FDFT1: variants seen among roughly 807,000 people sequenced by gnomAD.
FDFT1 encodes squalene synthase.
A neutral mutation model predicts 46.8 loss-of-function variants in FDFT1; 68 were observed. That is an observed-to-expected ratio of 1.45 (90% CI 1.19 to 1.78). FDFT1 has a LOEUF of 1.78. Ranked by LOEUF, FDFT1 falls within the 40% of genes most tolerant of loss-of-function variation. The probability of loss-of-function intolerance (pLI) is 0.00; values close to 1 mark genes in which losing one functional copy is unlikely to be tolerated. For missense variants in FDFT1, 928 were observed against 524.4 expected (o/e 1.77, Z -7.52); for synonymous variants, 351 against 185.1 (o/e 1.90, Z -7.28).
At chr8:11,803,215 G>A (rs1585848462) in intron 1 of FDFT1, 12 of 1,401,274 alleles carry the variant, frequency 8.6e-6, no homozygotes, top group East Asian at 3.2e-5. Context: ...CGTGAGCATC[G>A]GCGCTTACCG....
At position 11,810,933 on chromosome 8, in the gene FDFT1, T is replaced by TAAA. The variant is rs71539744; in HGVS notation, c.381+1106_381+1108dup. ...TCTTGGGCATAATGGGAGCAATATT[T>TAAA]AAAAAAAAAAAAAAAAAAAAAAAAA... On this transcript the variant is annotated intron_variant, in intron 3 of 7. Coordinates refer to ENST00000220584, the MANE Select transcript of FDFT1 (RefSeq NM_004462.5). Among the ~76,000 whole-genome samples, 682 of 89,364 alleles carry TAAA rather than the reference T, an allele frequency of 7.6e-3. 7 individuals are homozygous for TAAA. The highest frequency in any genetic ancestry group is 0.022 in the East Asian group (72 of 3,202). 58.6% of individuals were successfully genotyped at this position (89,364 alleles called of 152,430 possible). A position where few individuals can be genotyped will look rare whatever the true frequency, so the allele number is the denominator to read the frequency against.
intron 1 of FDFT1, among the ~76,000 whole-genome samples, chr8:11,796,986 T>C (rs1045374417): frequency 6.6e-6 from 1 of 152,260 alleles, no homozygotes; most frequent in Non-Finnish European, 1.5e-5. Context: ...ATATCTACTT[T>C]TAATTGCACG....
chr8:11,803,113 C>G (rs891799748), intron 1 of FDFT1, 182 bp downstream of exon 1: 243 of 1,427,660 alleles, frequency 1.7e-4, no homozygotes, highest in Non-Finnish European at 2.1e-4. Context: ...CGCGGCCGTC[C>G]TGGCTGACCT....
At chr8:11,797,182 C>G (rs955362500) in intron 1 of FDFT1, among the ~76,000 whole-genome samples, 7 of 152,268 alleles carry the variant, frequency 4.6e-5, no homozygotes, top group Admixed American at 2.0e-4. Flanking sequence ...TTTAGCTAGT[C>G]CTCAATTTGG....
At chr8:11,813,145 A>G (rs902779423) in intron 3 of FDFT1, among the ~76,000 whole-genome samples, 5 of 152,164 alleles carry the variant, frequency 3.3e-5, no homozygotes, top group African/African-American at 1.2e-4. Flanking sequence ...TATAGTAAAA[A>G]CAGGGTGTTA....
chr8:11,802,507 G>GTCGGCCTCTTTC (rs771937074), upstream of FDFT1: 2 of 507,640 alleles, frequency 3.9e-6, no homozygotes, highest in African/African-American at 1.9e-5. Flanking sequence ...AATCCCGCTC[G>GTCGGCCTCTTTC]TCGGCCTCTT....
At chr8:11,833,017 T>C (rs1034327302) in intron 7 of FDFT1, among the ~76,000 whole-genome samples, 1 of 152,204 alleles carries the variant, frequency 6.6e-6, no homozygotes, top group African/African-American at 2.4e-5. Flanking sequence ...ATTCTTCTTA[T>C]ACTTCCTCCC....
chr8:11,830,485 A>G lies in FDFT1; in HGVS notation c.879+65A>G, dbSNP rs924617761. 4.3e-6 allele frequency: 5 copies of G among 1,174,700 alleles called. No homozygotes were observed. The Admixed American group carries it at 7.5e-5, about 18-fold the overall frequency. 72.8% of individuals were successfully genotyped at this position (1,174,700 alleles called of 1,614,324 possible). On this transcript the variant is annotated intron_variant, in intron 6 of 7. Coordinates refer to ENST00000220584, the MANE Select transcript of FDFT1 (RefSeq NM_004462.5). Reference sequence around the variant, plus strand: ...GGGAGTGGGGTAGGAGTAAGGGTGGATTTTGCTGTGCTATATTCAAGGATA... The same window carrying G: ...GGGAGTGGGGTAGGAGTAAGGGTGGGTTTTGCTGTGCTATATTCAAGGATA...
intron 2 of FDFT1, 55 bp downstream of exon 2, chr8:11,808,946 G>GAA (rs1807311446): frequency 6.3e-7 from 1 of 1,579,142 alleles, no homozygotes; most frequent in Admixed American, 1.8e-5. Context: ...CGGGACCTTT[G>GAA]AGTGTGTTGG....
At chr8:11,832,411 A>T (rs1421895573) in intron 7 of FDFT1, among the ~76,000 whole-genome samples, 2 of 151,676 alleles carry the variant, frequency 1.3e-5, no homozygotes, top group Non-Finnish European at 2.9e-5. Flanking sequence ...AAAAATTGTC[A>T]TGGTGGTGCA....
intron 7 of FDFT1, 25 bp downstream of exon 7, chr8:11,831,695 A>G: frequency 6.3e-7 from 1 of 1,585,088 alleles, no homozygotes; most frequent in Non-Finnish European, 8.7e-7. Context: ...AACTACTTGG[A>G]TAATTTGTAG....
chr8:11,826,702 C>T (rs1810043064), intron 5 of FDFT1, among the ~76,000 whole-genome samples: 1 of 152,166 alleles, frequency 6.6e-6, no homozygotes, highest in South Asian at 2.1e-4. Context: ...GTAATCCCAG[C>T]TACCTGGGAG....
rs1736070 is a variant in FDFT1, at chr8:11,808,296, C to T, written c.100-498C>T. The T allele has an allele frequency of 0.65, 792,430 of 1,223,746 alleles. 259,937 individuals are homozygous for T. The highest frequency in any genetic ancestry group is 0.7 in the East Asian group (21,877 of 31,154). The allele number at this position is 1,223,746 out of a possible 1,614,324, so 75.8% of individuals were successfully genotyped here. ...AGCCGCTCGGAAGTGCGCTGGGTTCCCTTAGCGGCCAGTGGGTTCTGGTGA... is the reference window on the plus strand; with the variant it reads ...AGCCGCTCGGAAGTGCGCTGGGTTCTCTTAGCGGCCAGTGGGTTCTGGTGA... On this transcript the variant is annotated intron_variant, in intron 1 of 7. Transcript: ENST00000220584.
intron 3 of FDFT1, among the ~76,000 whole-genome samples, chr8:11,811,269 G>A (rs917873940): frequency 1.3e-5 from 2 of 152,174 alleles, no homozygotes; most frequent in Non-Finnish European, 2.9e-5. Context: ...TCTGAATTCT[G>A]CTGAAGCAGA....
At chr8:11,823,700 A>T (rs1043906158) in intron 4 of FDFT1, among the ~76,000 whole-genome samples, 6 of 152,002 alleles carry the variant, frequency 3.9e-5, no homozygotes, top group Admixed American at 3.9e-4. Context: ...CTCCTGAGTA[A>T]CTGGGACCAC....
intron 5 of FDFT1, among the ~76,000 whole-genome samples, chr8:11,826,909 A>G (rs1233250780): frequency 1.3e-5 from 2 of 152,198 alleles, no homozygotes; most frequent in African/African-American, 2.4e-5. Flanking sequence ...GATTACGTCT[A>G]CACAGTACAC....
At chr8:11,812,672 A>G (rs1368364005) in intron 3 of FDFT1, among the ~76,000 whole-genome samples, 1 of 152,230 alleles carries the variant, frequency 6.6e-6, no homozygotes, top group Non-Finnish European at 1.5e-5. Flanking sequence ...ATTTTTAGCT[A>G]CATATAGTAT....
chr8:11,818,949 G>C (rs563582008), intron 3 of FDFT1, among the ~76,000 whole-genome samples: 35 of 152,244 alleles, frequency 2.3e-4, no homozygotes, highest in Non-Finnish European at 3.1e-4. Context: ...TCCTAGCCTC[G>C]ATGGTCTTTA....
At chr8:11,799,082 A>G (rs1805847534), upstream of FDFT1, among the ~76,000 whole-genome samples, 2 of 152,244 alleles carry the variant, frequency 1.3e-5, no homozygotes, top group African/African-American at 4.8e-5. Context: ...ACAAACATGT[A>G]TGTAATATAT....
Sources: allele counts gnomAD v4.1 joint callset (sites outside exome capture counted in the v4.1 genomes callset), GRCh38; gene constraint gnomAD v4.1.1; transcripts MANE v1.5; gene names NCBI Gene and HGNC (gene_info 2026-07-23, HGNC 2026-07-21).